The following COLEC10 variants were observed in gnomAD, a reference collection of about 807,000 sequenced individuals.
COLEC10 encodes collectin subfamily member 10.
COLEC10 carries 22 observed loss-of-function variants against 28.4 expected under a neutral mutation model. The observed-to-expected ratio is 0.78, with a 90% CI of 0.55 to 1.11. The LOEUF (loss-of-function observed/expected upper bound fraction) is 1.11. Among genes scored for constraint, COLEC10 ranks in the 50% least tolerant of loss-of-function variants. COLEC10 has a pLI of 0.00. For synonymous variants in COLEC10, 125 were observed against 116.1 expected, an observed-to-expected ratio of 1.08 and a Z score of -0.49; for missense variants, 361 against 344.1, an observed-to-expected ratio of 1.05 and a Z score of -0.39.
chr8:119,046,824 G>A (rs1156832506), intron 2 of COLEC10, among the ~76,000 whole-genome samples: 1 of 152,154 alleles, frequency 6.6e-6, no homozygotes, highest in Non-Finnish European at 1.5e-5. Flanking sequence ...CCAGCATGGT[G>A]TTGCCTATTT....
At position 119,011,050 on chromosome 8, in the gene COLEC10, A is replaced by G. The variant is rs141777379; in HGVS notation, n.235+1497A>G. On this transcript the variant is annotated intron_variant and non_coding_transcript_variant, in intron 2 of 6. Coordinates refer to the COLEC10 transcript ENST00000521788. ...TCATGGATTTTGGCTTTGGTGTTGTAGCAAAAAGATCATCACCAAACCTGA... is the reference window on the plus strand; with the variant it reads ...TCATGGATTTTGGCTTTGGTGTTGTGGCAAAAAGATCATCACCAAACCTGA... Among the ~76,000 whole-genome samples the G allele has an allele frequency of 8.7e-4, 131 of 151,038 alleles. 1 individual carries two copies. Among genetic ancestry groups the G allele is most frequent in the Non-Finnish European group, 6.9e-4 (47 of 67,952 alleles).
chr8:118,961,546 G>T, the COLEC10 span, among the ~76,000 whole-genome samples: 2 of 152,132 alleles, frequency 1.3e-5, no homozygotes, highest in African/African-American at 4.8e-5. Context: ...ACACTGCCAC[G>T]CTGATTTTGC....
intron 2 of COLEC10, among the ~76,000 whole-genome samples, chr8:119,025,689 A>G (rs994002756): frequency 1.3e-5 from 2 of 152,192 alleles, no homozygotes; most frequent in African/African-American, 4.8e-5. Context: ...GATATTCTGT[A>G]AATGGGTTTA....
chr8:119,036,958 G>C (rs1158250897), intron 2 of COLEC10, among the ~76,000 whole-genome samples: 1 of 152,104 alleles, frequency 6.6e-6, no homozygotes, highest in East Asian at 1.9e-4. Flanking sequence ...AATGTTGTTG[G>C]GGCTTCCCGT....
At chr8:119,010,920 A>G (rs760757478) in intron 2 of COLEC10, among the ~76,000 whole-genome samples, 1 of 150,980 alleles carries the variant, frequency 6.6e-6, no homozygotes, top group Non-Finnish European at 1.5e-5. Context: ...GATATGTCTT[A>G]CGTCTTTCTC....
chr8:118,974,685 G>A, the COLEC10 span, among the ~76,000 whole-genome samples: 4 of 151,980 alleles, frequency 2.6e-5, no homozygotes, highest in South Asian at 2.1e-4. Context: ...TTACGTAAAC[G>A]TATAAAGTCA....
In COLEC10 at chr8:119,053,210, T is replaced by C. The variant is rs116752338; in HGVS notation, n.236-36470T>C. Reference sequence around the variant, plus strand: ...GGAAACCGTAAAAGGGGGGACTATGTTCTATCTGTGGGTGAGAGCAGGTTG... The same window carrying C: ...GGAAACCGTAAAAGGGGGGACTATGCTCTATCTGTGGGTGAGAGCAGGTTG... On this transcript the variant is annotated intron_variant and non_coding_transcript_variant, in intron 2 of 6. Coordinates refer to the COLEC10 transcript ENST00000521788. Among the ~76,000 whole-genome samples, 1,228 of 152,220 alleles carry C rather than the reference T, an allele frequency of 8.1e-3. 10 individuals carry two copies. Among genetic ancestry groups the C allele is most frequent in the African/African-American group, 0.028 (1,155 of 41,570 alleles).
At chr8:118,993,485 G>A (rs1813539165), upstream of COLEC10, among the ~76,000 whole-genome samples, 1 of 152,126 alleles carries the variant, frequency 6.6e-6, no homozygotes, top group African/African-American at 2.4e-5. Context: ...TTCCTGAGTA[G>A]CTGGGACTAC....
At chr8:118,969,328 G>T in the COLEC10 span, among the ~76,000 whole-genome samples, 1 of 152,040 alleles carries the variant, frequency 6.6e-6, no homozygotes, top group Non-Finnish European at 1.5e-5. Context: ...GCCACTAGAT[G>T]TGTGATACTA....
intron 1 of COLEC10, among the ~76,000 whole-genome samples, chr8:118,997,880 G>GT (rs1813616577): frequency 6.6e-6 from 1 of 152,198 alleles, no homozygotes; most frequent in South Asian, 2.1e-4. Flanking sequence ...TAAGGGAAAT[G>GT]TTTTAGAGAG....
intron 2 of COLEC10, among the ~76,000 whole-genome samples, chr8:119,023,132 C>T (rs1275960490): frequency 6.6e-6 from 1 of 152,142 alleles, no homozygotes; most frequent in Non-Finnish European, 1.5e-5. Context: ...CTGTATTTAA[C>T]ATTACACATT....
intron 2 of COLEC10, among the ~76,000 whole-genome samples, chr8:119,032,526 T>C (rs1460576808): frequency 6.6e-6 from 1 of 152,228 alleles, no homozygotes; most frequent in Non-Finnish European, 1.5e-5. Flanking sequence ...CCTAAGGAGT[T>C]GTTTAGATTA....
At chr8:118,968,600 CGTATATGTATGTATATGTATAT>C in the COLEC10 span, among the ~76,000 whole-genome samples, 1 of 150,142 alleles carries the variant, frequency 6.7e-6, no homozygotes, top group African/African-American at 2.4e-5. Context: ...TATATATATA[CGTATATGTATGTATATGTATAT>C]GTATATATAA....
chr8:119,080,495 C>A (rs765861467), intron 1 of COLEC10, among the ~76,000 whole-genome samples: 4 of 151,918 alleles, frequency 2.6e-5, no homozygotes, highest in Non-Finnish European at 4.4e-5. Flanking sequence ...TAACAAGGAA[C>A]CAGATGGTGA....
At position 119,032,970 on chromosome 8, in the gene COLEC10, T is replaced by A. The variant is rs538523672; in HGVS notation, n.235+23417T>A. ...GGCCATTGTCTGCATTTTAAAATAA[T>A]TCAGAAACGGGCTTTTTTTGATGTG... On this transcript the variant is annotated intron_variant and non_coding_transcript_variant, in intron 2 of 6. Coordinates refer to the COLEC10 transcript ENST00000521788. Among the ~76,000 whole-genome samples the A allele has an allele frequency of 4.6e-5, 7 of 152,322 alleles. No homozygotes were observed. In the East Asian group the frequency reaches 1.3e-3, roughly 29 times the overall value.
At chr8:119,042,705 A>G (rs1814521104) in intron 2 of COLEC10, among the ~76,000 whole-genome samples, 1 of 152,198 alleles carries the variant, frequency 6.6e-6, no homozygotes, top group African/African-American at 2.4e-5. Flanking sequence ...TAGCTGTGCA[A>G]ACTTGGCTGA....
At chr8:119,057,203 T>C (rs568839007) in intron 2 of COLEC10, among the ~76,000 whole-genome samples, 7 of 148,964 alleles carry the variant, frequency 4.7e-5, no homozygotes, top group Non-Finnish European at 9.1e-5. Flanking sequence ...GATGGTTTTA[T>C]AAGTGTTTGA....
intron 1 of COLEC10, among the ~76,000 whole-genome samples, chr8:119,072,531 A>C (rs1029854383): frequency 6.6e-5 from 10 of 152,228 alleles, no homozygotes; most frequent in African/African-American, 2.4e-4. Context: ...GCTCAAGGCC[A>C]CAGAGCCAGA....
the COLEC10 span, among the ~76,000 whole-genome samples, chr8:118,955,527 C>T: frequency 6.6e-6 from 1 of 152,302 alleles, no homozygotes; most frequent in South Asian, 2.1e-4. Context: ...TACCATAGCC[C>T]TTTCTTTGAA....
Sources: allele counts gnomAD v4.1 joint callset (sites outside exome capture counted in the v4.1 genomes callset), GRCh38; gene constraint gnomAD v4.1.1; transcripts MANE v1.5; gene names NCBI Gene and HGNC (gene_info 2026-07-23, HGNC 2026-07-21).